Variants in TTC23 observed in about 807,000 individuals in gnomAD.
TTC23 encodes the protein tetratricopeptide repeat protein 23.
Under a neutral mutation model 55.1 loss-of-function variants are expected in TTC23, and 58 were observed. That is an observed-to-expected ratio of 1.05 (90% CI 0.85 to 1.31). TTC23 has a LOEUF of 1.31. Ranked by LOEUF, TTC23 falls within the 50% of genes most tolerant of loss-of-function variation. The pLI is 0.00. For missense variants in TTC23, 516 were observed against 534.4 expected (o/e 0.97, Z 0.34); for synonymous variants, 203 against 199.9 (o/e 1.02, Z -0.13).
In TTC23 at chr15:99,137,766, G is replaced by T; in HGVS notation, c.*244C>A. 1 of 536,210 alleles carries T rather than the reference G, an allele frequency of 1.9e-6. No individual in the cohort carries two copies. The allele number at this position is 536,210 out of a possible 1,614,324, so 33.2% of individuals were successfully genotyped here. On this transcript the variant is annotated 3_prime_UTR_variant, in exon 14 of 14. Coordinates refer to ENST00000394132, the MANE Select transcript of TTC23 (RefSeq NM_001288615.3). ...GTGCTGATGGGTAAAAATTCTTGTT[G>T]GCAAGAAAAACCACTTAGGTGATAG...
intron 12 of TTC23, among the ~76,000 whole-genome samples, chr15:99,151,070 G>A (rs1310209238): frequency 6.6e-6 from 1 of 152,078 alleles, no homozygotes; most frequent in African/African-American, 2.4e-5. Flanking sequence ...GCATGGAACT[G>A]AGCACTTGGG....
intron 12 of TTC23, among the ~76,000 whole-genome samples, chr15:99,142,740 A>G (rs2068386836): frequency 2.0e-5 from 3 of 152,242 alleles, no homozygotes; most frequent in South Asian, 4.1e-4. Flanking sequence ...GGCAACTGAC[A>G]GTGCTTATGC....
At chr15:99,147,626 C>T (rs1670202) in intron 12 of TTC23, among the ~76,000 whole-genome samples, 9,842 of 152,206 alleles carry the variant, frequency 0.065, 344 homozygotes, top group African/African-American at 0.088. Flanking sequence ...CTTCAAGTCA[C>T]GAGTGCTTGA....
At chr15:99,238,925 A>G (rs2079542387) in intron 3 of TTC23, among the ~76,000 whole-genome samples, 1 of 152,170 alleles carries the variant, frequency 6.6e-6, no homozygotes, top group South Asian at 2.1e-4. Flanking sequence ...TTGAGCACCT[A>G]TTAAATCTTA....
chr15:99,175,105 G>A lies in TTC23; in HGVS notation c.810C>T (p.Asp270=). The change falls in exon 10 of 14, where the codon GAC becomes GAT. Residue 270 remains aspartate (D), a synonymous_variant. Transcript: ENST00000394132. ...CAGCATGGGCGACGATGTGTGCCGAGTCTGCTGCCTCCACTTGAGAGGGGC... is the reference window on the plus strand; with the variant it reads ...CAGCATGGGCGACGATGTGTGCCGAATCTGCTGCCTCCACTTGAGAGGGGC... ...SRSPSQVEAA[D]SAHIVAHAAV... 6.2e-7 allele frequency: 1 copy of A among 1,614,232 alleles called. No individual in the cohort carries two copies. Among genetic ancestry groups the A allele is most frequent in the Non-Finnish European group, 8.5e-7 (1 of 1,180,042 alleles).
chr15:99,148,022 A>G (rs1041405168), intron 12 of TTC23, among the ~76,000 whole-genome samples: 35 of 152,226 alleles, frequency 2.3e-4, no homozygotes, highest in African/African-American at 7.9e-4. Context: ...GCTGGAATAT[A>G]GCAGGGACTC....
chr15:99,145,820 C>T (rs1397410334), intron 12 of TTC23, among the ~76,000 whole-genome samples: 2 of 152,044 alleles, frequency 1.3e-5, no homozygotes, highest in African/African-American at 4.8e-5. Flanking sequence ...ATGAGAGAAA[C>T]ACAGGGAAGG....
At chr15:99,203,476 A>T (rs1034008549) in intron 8 of TTC23, among the ~76,000 whole-genome samples, 13 of 152,136 alleles carry the variant, frequency 8.5e-5, no homozygotes, top group African/African-American at 1.9e-4. Context: ...TGTTAGGAAC[A>T]TGCCAGTTCC....
At chr15:99,220,356 AAAG>A (rs1394795833) in intron 6 of TTC23, among the ~76,000 whole-genome samples, 1 of 152,230 alleles carries the variant, frequency 6.6e-6, no homozygotes, top group African/African-American at 2.4e-5. Context: ...TTAAATTGAG[AAAG>A]AAGGACTGTC....
At chr15:99,139,899 G>T in intron 12 of TTC23, 1 of 485,884 alleles carries the variant, frequency 2.1e-6, no homozygotes, top group Non-Finnish European at 3.3e-6. Flanking sequence ...GCTGGCTTTG[G>T]CTTGATTTCT....
rs764750052 is a variant in TTC23 at position 99,218,978 on chromosome 15, G to A, written c.375C>T (p.Pro125=). 1.1e-5 allele frequency: 17 copies of A among 1,614,194 alleles called. No homozygotes were observed. In the South Asian group the frequency reaches 1.9e-4, roughly 18 times the overall value. The part of the protein sequence containing the change: ...RQILANSIVP[P]YSENTDVFKF... The stretch of plus-strand genomic sequence containing the variant: ...TGAAAACATCTGTATTCTCACTATA[G>A]GGAGGCACAATGGAGTTGGCGAGGA... The change falls in exon 7 of 14, where the codon CCC becomes CCT. Residue 125 remains proline (P), a synonymous_variant. Transcript: ENST00000394132.
intron 10 of TTC23, among the ~76,000 whole-genome samples, chr15:99,165,340 T>C (rs186921064): frequency 9.8e-5 from 15 of 152,326 alleles, no homozygotes; most frequent in African/African-American, 2.6e-4. Context: ...AAATTCACAA[T>C]GAGAATCCTG....
intron 9 of TTC23, among the ~76,000 whole-genome samples, chr15:99,185,510 T>C (rs1271247314): frequency 6.6e-6 from 1 of 152,108 alleles, no homozygotes; most frequent in Non-Finnish European, 1.5e-5. Context: ...TACCCTAAAT[T>C]TGGGAACTCT....
chr15:99,139,723 T>TA (rs1567303406), intron 12 of TTC23: 1 of 1,351,766 alleles, frequency 7.4e-7, no homozygotes, highest in South Asian at 1.2e-5. Flanking sequence ...TTTCTATTTT[T>TA]AAATGTGGCC....
At chr15:99,219,535 C>T (rs1057500565) in intron 6 of TTC23, among the ~76,000 whole-genome samples, 1 of 152,056 alleles carries the variant, frequency 6.6e-6, no homozygotes, top group African/African-American at 2.4e-5. Flanking sequence ...CTGATATCTA[C>T]AAAAACTTAC....
intron 12 of TTC23, among the ~76,000 whole-genome samples, chr15:99,153,537 T>C (rs540532333): frequency 6.6e-6 from 1 of 152,224 alleles, no homozygotes; most frequent in Non-Finnish European, 1.5e-5. Flanking sequence ...ATTATGTTAC[T>C]TACTTAGGGT....
intron 12 of TTC23, among the ~76,000 whole-genome samples, chr15:99,152,207 T>C (rs1555497265): frequency 1.3e-5 from 2 of 152,196 alleles, no homozygotes; most frequent in Non-Finnish European, 2.9e-5. Context: ...GCTTTCCCCA[T>C]GCGACGTGCC....
At position 99,218,956 on chromosome 15, in the gene TTC23, A is replaced by G; in HGVS notation, c.397T>C (p.Phe133Leu). The G allele has an allele frequency of 6.2e-7, 1 of 1,614,204 alleles. No individual in the cohort carries two copies. Among genetic ancestry groups the G allele is most frequent in the Non-Finnish European group, 8.5e-7 (1 of 1,180,016 alleles). Residue 133 changes from phenylalanine (F) to leucine (L), a missense_variant, in exon 7 of 14, where the codon TTC (phenylalanine) becomes CTC (leucine). Coordinates refer to ENST00000394132, the MANE Select transcript of TTC23 (RefSeq NM_001288615.3). ...VPPYSENTDV[F>L]KFSIELFHTM... Reference sequence around the variant, plus strand: ...TGGAAAAGCTCAATGGAAAACTTGAAAACATCTGTATTCTCACTATAGGGA... The same window carrying G: ...TGGAAAAGCTCAATGGAAAACTTGAGAACATCTGTATTCTCACTATAGGGA...
intron 5 of TTC23, among the ~76,000 whole-genome samples, chr15:99,223,005 C>CA (rs1205705176): frequency 1.6e-4 from 25 of 152,262 alleles, no homozygotes; most frequent in Middle Eastern, 6.8e-3. Context: ...TCAAAACAAA[C>CA]AAACAAACAA....
Sources: gnomAD v4.1 joint callset for allele counts (sites outside exome capture counted in the v4.1 genomes callset) on GRCh38, gnomAD v4.1.1 for gene constraint, MANE v1.5 for transcripts, NCBI Gene and HGNC (gene_info 2026-07-23, HGNC 2026-07-21) for gene names.